The following ADARB2 variants were observed in gnomAD, a reference collection of about 807,000 sequenced individuals.
The protein encoded by ADARB2 is inactive double-stranded RNA-specific editase B2.
Under a neutral mutation model 62.2 loss-of-function variants are expected in ADARB2, and 25 were observed. The observed-to-expected ratio is 0.40, with a 90% CI of 0.29 to 0.56. The LOEUF (loss-of-function observed/expected upper bound fraction) is 0.56, where lower values mean the gene tolerates loss of function less well. Among genes scored for constraint, ADARB2 ranks in the 20% least tolerant of loss-of-function variants. ADARB2 has a pLI of 0.43. For synonymous variants in ADARB2, 572 were observed against 500.8 expected (o/e 1.14, Z -1.90); for missense variants, 1,071 against 1,077.4 (o/e 0.99, Z 0.08).
At chr10:1,530,566 G>C (rs569796726) in intron 1 of ADARB2, among the ~76,000 whole-genome samples, 2 of 152,224 alleles carry the variant, frequency 1.3e-5, no homozygotes, top group Non-Finnish European at 2.9e-5. Context: ...TGCGGAGCCT[G>C]AGTGGGCTTT....
intron 1 of ADARB2, among the ~76,000 whole-genome samples, chr10:1,666,375 G>A (rs921681812): frequency 2.0e-5 from 3 of 152,234 alleles, no homozygotes; most frequent in Admixed American, 6.5e-5. Context: ...GCCTCCGAAG[G>A]GGGGCCAGTA....
intron 8 of ADARB2, among the ~76,000 whole-genome samples, chr10:1,198,977 A>G (rs964469171): frequency 3.0e-4 from 45 of 152,336 alleles, no homozygotes; most frequent in African/African-American, 9.6e-4. Flanking sequence ...GGTGCTGGAC[A>G]AAGAGCGGGG....
At chr10:1,248,921 C>T (rs1831011741) in intron 4 of ADARB2, among the ~76,000 whole-genome samples, 1 of 152,118 alleles carries the variant, frequency 6.6e-6, no homozygotes, top group Non-Finnish European at 1.5e-5. Flanking sequence ...GGTTTCAAGG[C>T]AATTGTAAGT....
chr10:1,469,425 T>G (rs1831294756), intron 1 of ADARB2, among the ~76,000 whole-genome samples: 1 of 152,228 alleles, frequency 6.6e-6, no homozygotes, highest in African/African-American at 2.4e-5. Context: ...GAAAAAAAAT[T>G]GAAAACCGTT....
chr10:1,415,614 T>C (rs1832795439), intron 1 of ADARB2, among the ~76,000 whole-genome samples: 1 of 152,240 alleles, frequency 6.6e-6, no homozygotes, highest in African/African-American at 2.4e-5. Context: ...GATAATTTGA[T>C]TGGCTATTTC....
chr10:1,372,083 G>A (rs937319320), intron 2 of ADARB2, among the ~76,000 whole-genome samples: 2 of 152,164 alleles, frequency 1.3e-5, no homozygotes, highest in African/African-American at 4.8e-5. Flanking sequence ...AACAGTGGAT[G>A]AATAAAGAAA....
intron 6 of ADARB2, among the ~76,000 whole-genome samples, chr10:1,230,484 T>G (rs1830794319): frequency 6.6e-6 from 1 of 152,112 alleles, no homozygotes; most frequent in Admixed American, 6.6e-5. Flanking sequence ...GGTCCAACCC[T>G]CTTTAAAGGG....
chr10:1,556,447 C>T (rs541569746), intron 1 of ADARB2, among the ~76,000 whole-genome samples: 11 of 152,222 alleles, frequency 7.2e-5, no homozygotes, highest in South Asian at 4.2e-4. Context: ...AAATGCTCTA[C>T]GTCTTCCTCC....
intron 3 of ADARB2, among the ~76,000 whole-genome samples, chr10:1,353,941 G>C (rs915092024): frequency 3.3e-5 from 5 of 152,028 alleles, no homozygotes. Flanking sequence ...ACACAGCCCC[G>C]TAAATAACAG....
chr10:1,391,750 G>C (rs12242493), intron 1 of ADARB2, among the ~76,000 whole-genome samples: 60,838 of 147,948 alleles, frequency 0.41, 14,803 homozygotes, highest in East Asian at 0.67. Context: ...TAACTGCCAG[G>C]ATGTCTAAGA....
intron 3 of ADARB2, among the ~76,000 whole-genome samples, chr10:1,281,201 G>C (rs527794383): frequency 1.3e-5 from 2 of 152,350 alleles, no homozygotes; most frequent in South Asian, 4.1e-4. Flanking sequence ...CACACGTTTG[G>C]TGGGTCCAGA....
intron 3 of ADARB2, among the ~76,000 whole-genome samples, chr10:1,325,999 TCTCA>T (rs1284090787): frequency 6.6e-6 from 1 of 152,190 alleles, no homozygotes; most frequent in Non-Finnish European, 1.5e-5. Flanking sequence ...TAATCAACTC[TCTCA>T]CAGGAAACCA....
intron 1 of ADARB2, among the ~76,000 whole-genome samples, chr10:1,383,185 G>A (rs953983031): frequency 6.6e-5 from 10 of 152,196 alleles, no homozygotes; most frequent in Non-Finnish European, 1.0e-4. Flanking sequence ...CTGGAACCAC[G>A]TGCAGCCATG....
chr10:1,275,727 G>A (rs202010583), intron 3 of ADARB2, among the ~76,000 whole-genome samples: 2 of 136,828 alleles, frequency 1.5e-5, no homozygotes, highest in Admixed American at 8.6e-5. Context: ...TCATTGTTCA[G>A]TTCCCACCTA....
intron 1 of ADARB2, among the ~76,000 whole-genome samples, chr10:1,644,123 G>T (rs192282276): frequency 6.6e-6 from 1 of 152,204 alleles, no homozygotes; most frequent in South Asian, 2.1e-4. Flanking sequence ...CACGAGCTGA[G>T]GATAAATGAT....
At chr10:1,323,743 C>T (rs1831818784) in intron 3 of ADARB2, among the ~76,000 whole-genome samples, 1 of 151,736 alleles carries the variant, frequency 6.6e-6, no homozygotes, top group South Asian at 2.1e-4. Flanking sequence ...ATGTCTTATA[C>T]AAAATCTTAC....
At chr10:1,439,642 A>G (rs1588258590) in intron 1 of ADARB2, among the ~76,000 whole-genome samples, 2 of 136,078 alleles carry the variant, frequency 1.5e-5, no homozygotes, top group Admixed American at 7.3e-5. Flanking sequence ...TCCTCAGCAG[A>G]TGGAGGCAGG....
chr10:1,338,010 G>C (rs1167821361), intron 3 of ADARB2, among the ~76,000 whole-genome samples: 1 of 152,196 alleles, frequency 6.6e-6, no homozygotes, highest in African/African-American at 2.4e-5. Flanking sequence ...TACTGTCATG[G>C]TGCTTTGCAA....
chr10:1,241,830 G>A (rs549985619), intron 5 of ADARB2, among the ~76,000 whole-genome samples: 86 of 152,338 alleles, frequency 5.6e-4, no homozygotes, highest in African/African-American at 1.9e-3. Context: ...GGGGGGCATG[G>A]GGAACCGAGG....
Sources: allele counts gnomAD v4.1 joint callset (sites outside exome capture counted in the v4.1 genomes callset), GRCh38; gene constraint gnomAD v4.1.1; transcripts MANE v1.5; gene names NCBI Gene and HGNC (gene_info 2026-07-23, HGNC 2026-07-21).